PTPRN2: variants seen among roughly 807,000 people sequenced by gnomAD.
The protein encoded by PTPRN2 is protein tyrosine phosphatase receptor type N2, also known as receptor-type tyrosine-protein phosphatase N2.
In PTPRN2, 74 loss-of-function variants were observed where a neutral mutation model predicts 118.8. The ratio of observed to expected loss-of-function variants is 0.62; its 90% CI spans 0.52 to 0.76. The LOEUF is 0.76. PTPRN2 is among the 30% of genes least tolerant of loss of function. PTPRN2 has a pLI of 0.00. For synonymous variants in PTPRN2, 641 were observed against 608.0 expected (o/e 1.05, Z -0.80); for missense variants, 1,481 against 1,394.4 (o/e 1.06, Z -0.99).
chr7:158,149,647 T>C (rs1820730034), intron 6 of PTPRN2, among the ~76,000 whole-genome samples: 1 of 151,892 alleles, frequency 6.6e-6, no homozygotes, highest in South Asian at 2.1e-4. Context: ...CTACTAAAAA[T>C]ACAAAAATGA....
intron 3 of PTPRN2, among the ~76,000 whole-genome samples, chr7:158,255,425 C>T (rs151011468): frequency 2.0e-5 from 3 of 152,236 alleles, no homozygotes; most frequent in East Asian, 1.9e-4. Flanking sequence ...ACAAGAGGAT[C>T]GGCCACTCCA....
At chr7:158,511,823 T>C (rs1157958374) in intron 1 of PTPRN2, among the ~76,000 whole-genome samples, 1 of 152,126 alleles carries the variant, frequency 6.6e-6, no homozygotes, top group Non-Finnish European at 1.5e-5. Flanking sequence ...AAGCAGCCAG[T>C]CTGAAAATCC....
chr7:157,862,844 T>TGCGCGGGAAGCGGCGAG (rs879468181), intron 12 of PTPRN2: 4,641 of 152,516 alleles, frequency 0.03, 275 homozygotes, highest in African/African-American at 0.1. Context: ...AGCGGCGAGG[T>TGCGCGGGAAGCGGCGAG]GTGCGGGAAG....
chr7:158,098,304 G>A (rs76642817), intron 10 of PTPRN2, among the ~76,000 whole-genome samples: 14 of 151,950 alleles, frequency 9.2e-5, no homozygotes, highest in African/African-American at 2.7e-4. Flanking sequence ...TGAGGCCACC[G>A]GGGGGGCTCC....
At chr7:157,985,129 C>G (rs1803677830) in intron 11 of PTPRN2, among the ~76,000 whole-genome samples, 1 of 152,234 alleles carries the variant, frequency 6.6e-6, no homozygotes, top group Admixed American at 6.5e-5. Flanking sequence ...ACTCAACACT[C>G]CCTTTAACAA....
At chr7:158,163,960 C>T (rs1248692606) in intron 6 of PTPRN2, among the ~76,000 whole-genome samples, 1 of 152,158 alleles carries the variant, frequency 6.6e-6, no homozygotes, top group African/African-American at 2.4e-5. Context: ...TTCCTATTTG[C>T]CGTTTTACAT....
intron 21 of PTPRN2, among the ~76,000 whole-genome samples, chr7:157,562,583 C>T (rs925939367): frequency 2.6e-5 from 4 of 152,158 alleles, no homozygotes; most frequent in South Asian, 2.1e-4. Flanking sequence ...CTTCAAAGTC[C>T]GGGGACCTTC....
Position 158,133,748 on chromosome 7 carries a change from G to A in PTPRN2, c.1485C>T (p.Leu495=), listed in dbSNP as rs371700295. ...GGACCTCCAATTGCAGGCCGTCGCT[G>A]AGGGCCTCCTGAGCACCCGCTGGAA... ...QSLPAGAQEA[L]SDGLQLEVQP... Residue 495 remains leucine (L), a synonymous_variant, in exon 9 of 23, where the codon CTC becomes CTT. Coordinates refer to ENST00000389418, the MANE Select transcript of PTPRN2 (RefSeq NM_002847.5). 9 of 1,613,058 alleles carry A rather than the reference G, an allele frequency of 5.6e-6. No homozygotes were observed. In the African/African-American group the frequency reaches 1.1e-4, roughly 19 times the overall value.
intron 3 of PTPRN2, among the ~76,000 whole-genome samples, chr7:158,248,553 T>A (rs903458178): frequency 6.6e-6 from 1 of 152,096 alleles, no homozygotes; most frequent in Non-Finnish European, 1.5e-5. Flanking sequence ...ACATATCACA[T>A]ATGTGCATAT....
Position 158,081,270 on chromosome 7 carries a change from G to A in PTPRN2, c.1723+28C>T, listed in dbSNP as rs770272855. On this transcript the variant is annotated intron_variant, in intron 11 of 22. Coordinates refer to ENST00000389418, the MANE Select transcript of PTPRN2 (RefSeq NM_002847.5). ...TGTGTGTGCACACACGTGTGTGTGC[G>A]TGTACGTGTGTGTGGAAACAGCCTC... is the stretch of plus-strand genomic sequence containing the variant. 52 of 1,578,836 alleles carry A rather than the reference G, an allele frequency of 3.3e-5. 1 individual carries two copies. The highest frequency in any genetic ancestry group is 4.5e-5 in the East Asian group (2 of 44,678).
At chr7:157,663,962 C>A (rs1796016608) in intron 13 of PTPRN2, among the ~76,000 whole-genome samples, 1 of 152,214 alleles carries the variant, frequency 6.6e-6, no homozygotes, top group Admixed American at 6.5e-5. Flanking sequence ...ACAAACCTCA[C>A]AGCATTTGAA....
chr7:158,264,842 G>C (rs566854711), intron 3 of PTPRN2, among the ~76,000 whole-genome samples: 1 of 152,198 alleles, frequency 6.6e-6, no homozygotes, highest in East Asian at 1.9e-4. Context: ...TGGGGTCCCT[G>C]GTCCTTGCTG....
At chr7:157,558,480 A>C (rs1799018485) in intron 21 of PTPRN2, among the ~76,000 whole-genome samples, 1 of 152,272 alleles carries the variant, frequency 6.6e-6, no homozygotes, top group Non-Finnish European at 1.5e-5. Context: ...AATGGCGTTC[A>C]GGAGGCCGTC....
Position 157,773,599 on chromosome 7 carries a change from C to T in PTPRN2, c.1789-90662G>A, listed in dbSNP as rs187353467. Among the ~76,000 whole-genome samples the T allele has an allele frequency of 1.1e-4, 17 of 152,326 alleles. No homozygotes were observed. In the East Asian group the frequency reaches 1.4e-3, roughly 12 times the overall value. The stretch of plus-strand genomic sequence containing the variant: ...AGATGTAGTGGGCTGTGGGGCCAGG[C>T]GGCTTGCTGTACCTCCCACCCAAGC... On this transcript the variant is annotated intron_variant, in intron 12 of 22. Coordinates refer to ENST00000389418, the MANE Select transcript of PTPRN2 (RefSeq NM_002847.5).
chr7:157,700,018 A>G (rs888485716), intron 12 of PTPRN2, among the ~76,000 whole-genome samples: 1 of 152,220 alleles, frequency 6.6e-6, no homozygotes, highest in East Asian at 1.9e-4. Context: ...ATATGTTTCC[A>G]TTCACACACT....
intron 9 of PTPRN2, among the ~76,000 whole-genome samples, chr7:158,129,532 C>T (rs1241515614): frequency 1.3e-5 from 2 of 151,734 alleles, no homozygotes; most frequent in Non-Finnish European, 1.5e-5. Context: ...ACATACAACA[C>T]ACACTACACA....
intron 11 of PTPRN2, among the ~76,000 whole-genome samples, chr7:157,991,621 C>T (rs1343726736): frequency 6.6e-6 from 1 of 152,204 alleles, no homozygotes; most frequent in Admixed American, 6.5e-5. Context: ...GGAGCTAGCA[C>T]AGACTTGCAG....
chr7:157,653,556 G>A (rs142109691), intron 14 of PTPRN2, among the ~76,000 whole-genome samples: 2,458 of 152,228 alleles, frequency 0.016, 44 homozygotes, highest in Middle Eastern at 0.027. Context: ...AGCCTAAAAG[G>A]CTACCTGTGT....
chr7:158,035,721 A>C (rs143280153), intron 11 of PTPRN2, among the ~76,000 whole-genome samples: 2 of 152,342 alleles, frequency 1.3e-5, no homozygotes, highest in East Asian at 3.9e-4. Flanking sequence ...GTCAAATCCT[A>C]ATATAATAAA....
Sources: gnomAD v4.1 joint callset for allele counts (sites outside exome capture counted in the v4.1 genomes callset) on GRCh38, gnomAD v4.1.1 for gene constraint, MANE v1.5 for transcripts, NCBI Gene and HGNC (gene_info 2026-07-23, HGNC 2026-07-21) for gene names.